Variants in SEPTIN9 observed in about 807,000 individuals in gnomAD.
SEPTIN9 encodes septin 9.
SEPTIN9 carries 13 observed loss-of-function variants against 56.6 expected under a neutral mutation model. The ratio of observed to expected loss-of-function variants is 0.23; its 90% CI spans 0.15 to 0.37. SEPTIN9 has a LOEUF of 0.37. SEPTIN9 is among the 10% of genes least tolerant of loss of function. SEPTIN9 has a pLI of 1.00. For synonymous variants in SEPTIN9, 332 were observed against 334.1 expected, an observed-to-expected ratio of 0.99 and a Z score of 0.07; for missense variants, 650 against 823.1, an observed-to-expected ratio of 0.79 and a Z score of 2.57.
chr17:77,397,453 AC>A (rs2035755963), intron 2 of SEPTIN9, among the ~76,000 whole-genome samples: 1 of 151,732 alleles, frequency 6.6e-6, no homozygotes, highest in African/African-American at 2.4e-5. Context: ...ATCTGCAAAG[AC>A]CCTTTTTCCA....
At position 77,319,564 on chromosome 17, in the gene SEPTIN9, G is replaced by A; in HGVS notation, c.76+12367G>A. On this transcript the variant is annotated intron_variant, in intron 2 of 11. Transcript: ENST00000427177. The surrounding 1 kb of genome is among the most constrained non-coding windows in gnomAD (Gnocchi z 5.3). ...GGACGGAGGGGGGTGACTTCTCAGG[G>A]TTCCTCCTGGGCAGGTGCTCCGGAA... is the stretch of plus-strand genomic sequence containing the variant. 1.9e-6 allele frequency: 2 copies of A among 1,056,724 alleles called. No homozygotes were observed. The highest frequency in any genetic ancestry group is 4.6e-5 in the South Asian group (1 of 21,898). The allele number at this position is 1,056,724 out of a possible 1,614,324, so 65.5% of individuals were successfully genotyped here. A position where few individuals can be genotyped will look rare whatever the true frequency, so the allele number is the denominator to read the frequency against.
intron 2 of SEPTIN9, among the ~76,000 whole-genome samples, chr17:77,393,464 A>C (rs2035608159): frequency 6.6e-6 from 1 of 152,190 alleles, no homozygotes; most frequent in African/African-American, 2.4e-5. Context: ...GTCACCAGCA[A>C]GGTGACCACA....
intron 1 of SEPTIN9, among the ~76,000 whole-genome samples, chr17:77,301,791 C>T (rs916472423): frequency 2.0e-5 from 3 of 152,172 alleles, no homozygotes; most frequent in Non-Finnish European, 4.4e-5. Flanking sequence ...TGTCATAACG[C>T]CTCATCCTAA....
intron 1 of SEPTIN9, among the ~76,000 whole-genome samples, chr17:77,291,225 G>A (rs1412881799): frequency 1.3e-5 from 2 of 151,208 alleles, no homozygotes; most frequent in African/African-American, 2.4e-5. Context: ...TAGTAGGGAC[G>A]GGGTTTCACC....
At chr17:77,494,516 C>T (rs751042908) in intron 10 of SEPTIN9, among the ~76,000 whole-genome samples, 6 of 152,154 alleles carry the variant, frequency 3.9e-5, no homozygotes, top group Non-Finnish European at 8.8e-5. Flanking sequence ...TGCAGTGTGC[C>T]AAGATTTTAG....
intron 2 of SEPTIN9, among the ~76,000 whole-genome samples, chr17:77,314,747 TC>T (rs1173724298): frequency 6.6e-6 from 1 of 152,184 alleles, no homozygotes; most frequent in Non-Finnish European, 1.5e-5. Flanking sequence ...GCTGCCCACA[TC>T]AGTGTCACCT....
intron 3 of SEPTIN9, among the ~76,000 whole-genome samples, chr17:77,452,470 TC>T (rs2038020966): frequency 6.6e-6 from 1 of 152,194 alleles, no homozygotes; most frequent in Non-Finnish European, 1.5e-5. Flanking sequence ...TCATGTGAAA[TC>T]TGCTGTGTTT....
Position 77,450,467 on chromosome 17 carries a change from C to A in SEPTIN9, c.722-31677C>A. ...CCCAGCCCCCAGCAAGCCCTCGGAA[C>A]GAGCCCACTCCCAGGCGCTCTCTCC... On this transcript the variant is annotated intron_variant, in intron 3 of 11. Coordinates refer to ENST00000427177, the MANE Select transcript of SEPTIN9 (RefSeq NM_001113491.2). This position sits in a 1 kb window ranked among gnomAD's most constrained non-coding sequence, Gnocchi z 6.0. The A allele has an allele frequency of 1.0e-6, 1 of 985,216 alleles. No individual in the cohort carries two copies. Among genetic ancestry groups the A allele is most frequent in the Non-Finnish European group, 1.2e-6 (1 of 829,756 alleles). 61.0% of individuals were successfully genotyped at this position (985,216 alleles called of 1,614,324 possible).
Position 77,319,516 on chromosome 17 carries a change from GC to G in SEPTIN9, c.76+12321del. 9.6e-7 allele frequency: 1 copy of G among 1,042,632 alleles called. No individual in the cohort carries two copies. The highest frequency in any genetic ancestry group is 1.2e-6 in the Non-Finnish European group (1 of 864,710). 64.6% of individuals were successfully genotyped at this position (1,042,632 alleles called of 1,614,324 possible). A position where few individuals can be genotyped will look rare whatever the true frequency, so the allele number is the denominator to read the frequency against. On this transcript the variant is annotated intron_variant, in intron 2 of 11. Transcript: ENST00000427177. This position sits in a 1 kb window ranked among gnomAD's most constrained non-coding sequence, Gnocchi z 5.3. ...CTCTGCCTGGGCGGGGACGGCAACT[GC>G]CTCTGTCACTGCAGACTAATGGGAC...
chr17:77,282,125 C>T (rs2031055140), intron 1 of SEPTIN9, among the ~76,000 whole-genome samples: 1 of 152,222 alleles, frequency 6.6e-6, no homozygotes, highest in African/African-American at 2.4e-5. Flanking sequence ...CAGGGCCCGC[C>T]TTAAGTAGGC....
Position 77,319,423 on chromosome 17 carries a change from G to A in SEPTIN9, c.76+12226G>A. 2.1e-6 allele frequency: 1 copy of A among 484,002 alleles called. No individual in the cohort carries two copies. 30.0% of individuals were successfully genotyped at this position (484,002 alleles called of 1,614,324 possible). A position where few individuals can be genotyped will look rare whatever the true frequency, so the allele number is the denominator to read the frequency against. On this transcript the variant is annotated intron_variant, in intron 2 of 11. Coordinates refer to ENST00000427177, the MANE Select transcript of SEPTIN9 (RefSeq NM_001113491.2). The surrounding 1 kb of genome is among the most constrained non-coding windows in gnomAD (Gnocchi z 5.3). ...AAGACTCGCTCCCTCCCAGGGGACG[G>A]CTAGAGACTCACTGACTCATGCGTG... is the stretch of plus-strand genomic sequence containing the variant.
At chr17:77,414,192 C>G (rs567232945) in intron 3 of SEPTIN9, among the ~76,000 whole-genome samples, 4 of 152,206 alleles carry the variant, frequency 2.6e-5, no homozygotes, top group Admixed American at 2.0e-4. Flanking sequence ...AATTCTCCTG[C>G]CTCAGCCTCC....
rs1049189489 is a variant in SEPTIN9 at position 77,317,710 on chromosome 17, G to A, written c.76+10513G>A. On this transcript the variant is annotated intron_variant, in intron 2 of 11. Coordinates refer to ENST00000427177, the MANE Select transcript of SEPTIN9 (RefSeq NM_001113491.2). This position sits in a 1 kb window ranked among gnomAD's most constrained non-coding sequence, Gnocchi z 4.2. ...ATCAATACAACGTGCTTGTGGCCGG[G>A]TGCAGTGGCTCACACCTGTAATCCC... Among the ~76,000 whole-genome samples the A allele has an allele frequency of 1.3e-5, 2 of 152,106 alleles. No individual in the cohort carries two copies. Among genetic ancestry groups the A allele is most frequent in the African/African-American group, 2.4e-5 (1 of 41,414 alleles).
intron 2 of SEPTIN9, among the ~76,000 whole-genome samples, chr17:77,307,589 C>G (rs2032321456): frequency 6.6e-6 from 1 of 152,020 alleles, no homozygotes; most frequent in Non-Finnish European, 1.5e-5. Flanking sequence ...CTGTGGGCTC[C>G]CTGCAACCTT....
intron 3 of SEPTIN9, among the ~76,000 whole-genome samples, chr17:77,477,072 TCCCTCCCTCCTC>T (rs997156996): frequency 4.6e-5 from 7 of 151,824 alleles, no homozygotes; most frequent in Non-Finnish European, 7.4e-5. Flanking sequence ...CCTTCTTCCG[TCCCTCCCTCCTC>T]CCCTCCCTTT....
In SEPTIN9 at chr17:77,449,599, G is replaced by A. The variant is rs564260124; in HGVS notation, c.722-32545G>A. ...GAGAGGCCCACGGGGCAGGGGCGTG[G>A]TGGGAGCTGCATCCTCGAGGCTTTC... On this transcript the variant is annotated intron_variant, in intron 3 of 11. Coordinates refer to ENST00000427177, the MANE Select transcript of SEPTIN9 (RefSeq NM_001113491.2). This position sits in a 1 kb window ranked among gnomAD's most constrained non-coding sequence, Gnocchi z 4.6. Among the ~76,000 whole-genome samples, 1 of 152,346 alleles carries A rather than the reference G, an allele frequency of 6.6e-6. No homozygotes were observed. Among genetic ancestry groups the A allele is most frequent in the South Asian group, 2.1e-4 (1 of 4,828 alleles).
intron 2 of SEPTIN9, among the ~76,000 whole-genome samples, chr17:77,392,365 C>G (rs2035571055): frequency 6.6e-6 from 1 of 152,194 alleles, no homozygotes; most frequent in Non-Finnish European, 1.5e-5. Context: ...TGCTGACCCC[C>G]CTGGTGCATT....
At chr17:77,353,791 C>T (rs7224205) in intron 2 of SEPTIN9, among the ~76,000 whole-genome samples, 3 of 152,182 alleles carry the variant, frequency 2.0e-5, no homozygotes, top group African/African-American at 4.8e-5. Flanking sequence ...ATCCATTCAT[C>T]GGAGCTCCAA....
chr17:77,389,653 C>A lies in SEPTIN9; in HGVS notation c.77-12406C>A, dbSNP rs2035461740. The stretch of plus-strand genomic sequence containing the variant: ...GGCAGGCCACACCTAGACCCTCCCA[C>A]ACAGATCCGTCCCACCCTTCTGCTG... On this transcript the variant is annotated intron_variant, in intron 2 of 11. Coordinates refer to ENST00000427177, the MANE Select transcript of SEPTIN9 (RefSeq NM_001113491.2). The surrounding 1 kb of genome is among the most constrained non-coding windows in gnomAD (Gnocchi z 4.3). Among the ~76,000 whole-genome samples the A allele has an allele frequency of 6.6e-6, 1 of 152,050 alleles. No individual in the cohort carries two copies. The highest frequency in any genetic ancestry group is 2.1e-4 in the South Asian group (1 of 4,810).
Sources: gnomAD v4.1 joint callset for allele counts (sites outside exome capture counted in the v4.1 genomes callset) on GRCh38, gnomAD v4.1.1 for gene constraint, Gnocchi (gnomAD v3.1) non-coding constraint, MANE v1.5 for transcripts, NCBI Gene and HGNC (gene_info 2026-07-23, HGNC 2026-07-21) for gene names.